Variants in PLXNC1 observed in about 807,000 individuals in gnomAD.
PLXNC1 encodes plexin-C1.
Under a neutral mutation model 178.2 loss-of-function variants are expected in PLXNC1, and 75 were observed. That is an observed-to-expected ratio of 0.42 (90% CI 0.35 to 0.51). The LOEUF (loss-of-function observed/expected upper bound fraction) is 0.51, where lower values mean the gene tolerates loss of function less well. PLXNC1 is among the 20% of genes least tolerant of loss of function. PLXNC1 has a pLI of 0.02. For synonymous variants in PLXNC1, 790 were observed against 779.9 expected, an observed-to-expected ratio of 1.01 and a Z score of -0.22; for missense variants, 1,503 against 1,984.4, an observed-to-expected ratio of 0.76 and a Z score of 4.61.
chr12:94,231,479 T>C (rs999382064), intron 9 of PLXNC1, among the ~76,000 whole-genome samples: 1 of 152,112 alleles, frequency 6.6e-6, no homozygotes, highest in African/African-American at 2.4e-5. Flanking sequence ...CCATTCAAGG[T>C]ATCTTATTTT....
intron 9 of PLXNC1, among the ~76,000 whole-genome samples, chr12:94,231,574 C>T (rs1964104556): frequency 6.6e-6 from 1 of 152,140 alleles, no homozygotes; most frequent in South Asian, 2.1e-4. Flanking sequence ...AGGCCAGTAG[C>T]CCTCACACTG....
intron 2 of PLXNC1, among the ~76,000 whole-genome samples, chr12:94,180,099 T>C (rs1475570320): frequency 6.6e-6 from 1 of 152,172 alleles, no homozygotes; most frequent in Non-Finnish European, 1.5e-5. Context: ...CTCCTCTTGC[T>C]CCTTGACCCA....
At chr12:94,163,517 G>A (rs977807719) in intron 1 of PLXNC1, among the ~76,000 whole-genome samples, 1 of 152,156 alleles carries the variant, frequency 6.6e-6, no homozygotes, top group Non-Finnish European at 1.5e-5. Context: ...GTGGGGAAGG[G>A]ACATAAAGCG....
chr12:94,186,587 T>A, intron 4 of PLXNC1, 114 bp downstream of exon 4: 3 of 675,866 alleles, frequency 4.4e-6, no homozygotes, highest in Non-Finnish European at 8.1e-6. Context: ...AACTGATCTC[T>A]TCCTCGACTA....
chr12:94,197,437 T>TTCTCTCTCTCTCTCTCTC (rs61069982), intron 4 of PLXNC1, among the ~76,000 whole-genome samples: 25 of 148,652 alleles, frequency 1.7e-4, no homozygotes, highest in African/African-American at 6.2e-4. Flanking sequence ...TTAGGCCCCT[T>TTCTCTCTCTCTCTCTCTC]TCTCTCTCTC....
chr12:94,260,586 A>G lies in PLXNC1; in HGVS notation c.3252-56A>G. 2 of 1,339,360 alleles carry G rather than the reference A, an allele frequency of 1.5e-6. No individual in the cohort carries two copies. Among genetic ancestry groups the G allele is most frequent in the Admixed American group, 3.5e-5 (2 of 56,840 alleles). The allele number at this position is 1,339,360 out of a possible 1,614,324, so 83.0% of individuals were successfully genotyped here. A position where few individuals can be genotyped will look rare whatever the true frequency, so the allele number is the denominator to read the frequency against. On this transcript the variant is annotated intron_variant, in intron 19 of 30. Transcript: ENST00000258526. This position sits in a 1 kb window ranked among gnomAD's most constrained non-coding sequence, Gnocchi z 4.4. ...CCAGTGAGCTTCCATGGAAACTCCCATGGGTGTCCAGCTAGGCCTGCAGCC... is the reference window on the plus strand; with the variant it reads ...CCAGTGAGCTTCCATGGAAACTCCCGTGGGTGTCCAGCTAGGCCTGCAGCC...
intron 23 of PLXNC1, among the ~76,000 whole-genome samples, chr12:94,290,264 A>G (rs2136187630): frequency 6.6e-6 from 1 of 152,362 alleles, no homozygotes; most frequent in South Asian, 2.1e-4. Context: ...TTTTGTAACT[A>G]TGTTCAAAGC....
Position 94,254,774 on chromosome 12 carries a change from C to T in PLXNC1, c.2882-13C>T. 1.3e-6 allele frequency: 2 copies of T among 1,574,804 alleles called. No homozygotes were observed. The highest frequency in any genetic ancestry group is 1.2e-5 in the South Asian group (1 of 84,326). ...TTACCATGTCCCTCTGATGCAGCAT[C>T]TCTGTCTCTTAGCGGCCGTGGGGGT... On this transcript the variant is annotated splice_polypyrimidine_tract_variant and intron_variant, in intron 15 of 30. Transcript: ENST00000258526.
intron 19 of PLXNC1, among the ~76,000 whole-genome samples, 165 bp downstream of exon 19, chr12:94,259,899 C>CAAAAA (rs67260160): frequency 8.8e-6 from 1 of 114,204 alleles, no homozygotes; most frequent in African/African-American, 3.1e-5. Flanking sequence ...CTTGTCTCTA[C>CAAAAA]AAAAAAAAAA....
chr12:94,193,695 G>C (rs1430777276), intron 4 of PLXNC1, among the ~76,000 whole-genome samples: 3 of 152,232 alleles, frequency 2.0e-5, no homozygotes, highest in Non-Finnish European at 4.4e-5. Flanking sequence ...CACCAGCGCT[G>C]AGTCTCAGAG....
chr12:94,249,408 A>AT (rs1293110341), intron 14 of PLXNC1, among the ~76,000 whole-genome samples: 2 of 151,988 alleles, frequency 1.3e-5, no homozygotes, highest in African/African-American at 2.4e-5. Flanking sequence ...AGTTTTTTCT[A>AT]TTTTTAGTAG....
In PLXNC1 at chr12:94,282,199, T is replaced by C. The variant is rs1966488819; in HGVS notation, c.3776-99T>C. 3 of 785,966 alleles carry C rather than the reference T, an allele frequency of 3.8e-6. No individual in the cohort carries two copies. In the South Asian group the frequency reaches 4.8e-5, roughly 13 times the overall value. 48.7% of individuals were successfully genotyped at this position (785,966 alleles called of 1,614,324 possible). On this transcript the variant is annotated intron_variant, in intron 22 of 30. Coordinates refer to ENST00000258526, the MANE Select transcript of PLXNC1 (RefSeq NM_005761.3). ...GCATCTCTACACCTTCAAACAAAGA[T>C]TTACCACTTTATTCAAGTTTTAGTT...
In PLXNC1 at chr12:94,254,820, A is replaced by C. The variant is rs1353326327; in HGVS notation, c.2915A>C (p.Glu972Ala). The C allele has an allele frequency of 1.2e-6, 2 of 1,610,186 alleles. No individual in the cohort carries two copies. The highest frequency in any genetic ancestry group is 2.7e-5 in the African/African-American group (2 of 74,604). The change falls in exon 16 of 31, where the codon GAG (glutamate) becomes GCG (alanine). Residue 972 changes from glutamate to alanine, a missense_variant. By Grantham distance (107) the Glu-to-Ala change is moderately radical. Around this residue, in one of 4 missense-constraint regions of PLXNC1, gnomAD observed 639 missense variants for 979.7 expected, o/e 0.65. Transcript: ENST00000258526. Reference protein sequence around the residue: ...AVGVTRHKSKELSRKQSQQLE... With the variant: ...AVGVTRHKSKALSRKQSQQLE... The stretch of plus-strand genomic sequence containing the variant: ...GGGGTGACCAGGCACAAATCGAAGG[A>C]GCTGAGTCGCAAACAGAGTCAACAA...
At position 94,265,113 on chromosome 12, in the gene PLXNC1, C is replaced by T. The variant is rs1363778139; in HGVS notation, c.3485C>T (p.Thr1162Met). 5 of 1,614,064 alleles carry T rather than the reference C, an allele frequency of 3.1e-6. No individual in the cohort carries two copies. Among genetic ancestry groups the T allele is most frequent in the Non-Finnish European group, 3.4e-6 (4 of 1,179,940 alleles). Reference sequence around the variant, plus strand: ...GGAGAGCCCTTCTATTTGCTGGTGACGACTCTGAACCAGAAAATTAACAAG... The same window carrying T: ...GGAGAGCCCTTCTATTTGCTGGTGATGACTCTGAACCAGAAAATTAACAAG... ...TVGEPFYLLV[T>M]TLNQKINKGP... The change falls in exon 21 of 31, where the codon ACG becomes ATG. Residue 1162 changes from threonine (T) to methionine (M), a missense_variant. Thr to Met is a moderately conservative substitution (Grantham distance 81). Transcript: ENST00000258526.
intron 21 of PLXNC1, chr12:94,278,146 C>T (rs1966123675): frequency 2.6e-6 from 1 of 390,162 alleles, no homozygotes; most frequent in African/African-American, 2.1e-5. Flanking sequence ...TCCTTAAAAC[C>T]AAAAAAAACA....
At chr12:94,253,513 G>T (rs965772801) in intron 15 of PLXNC1, among the ~76,000 whole-genome samples, 2 of 152,148 alleles carry the variant, frequency 1.3e-5, no homozygotes, top group African/African-American at 4.8e-5. Flanking sequence ...GGAAAAAGGG[G>T]TTCCATGGTC....
chr12:94,292,806 G>A (rs562786187), intron 23 of PLXNC1, among the ~76,000 whole-genome samples: 75 of 152,302 alleles, frequency 4.9e-4, no homozygotes, highest in African/African-American at 1.6e-3. Flanking sequence ...GTGGCACCAC[G>A]TTAGCACCCA....
chr12:94,178,633 G>A (rs1433613585), intron 2 of PLXNC1, among the ~76,000 whole-genome samples: 2 of 152,216 alleles, frequency 1.3e-5, no homozygotes, highest in African/African-American at 2.4e-5. Flanking sequence ...ATTCTGTAGA[G>A]CAGTGTTGGC....
chr12:94,243,965 C>A lies in PLXNC1; in HGVS notation c.2328C>A (p.Gly776=). The part of the protein sequence containing the change: ...ISGGQNITMM[G]RNFDVIDNLI... ...GTGGTCAAAATATAACCATGATGGG[C>A]AGAAATTTTGATGTAATTGACAACT... Residue 776 remains glycine (G), a synonymous_variant, in exon 12 of 31, where the codon GGC becomes GGA. Coordinates refer to ENST00000258526, the MANE Select transcript of PLXNC1 (RefSeq NM_005761.3). 1 of 1,598,602 alleles carries A rather than the reference C, an allele frequency of 6.3e-7. No individual in the cohort carries two copies. The highest frequency in any genetic ancestry group is 8.6e-7 in the Non-Finnish European group (1 of 1,167,440).
Sources: gnomAD v4.1 joint callset for allele counts (sites outside exome capture counted in the v4.1 genomes callset) on GRCh38, gnomAD v4.1.1 for gene constraint, gnomAD v4.1.1 regional missense constraint, Gnocchi (gnomAD v3.1) non-coding constraint, MANE v1.5 for transcripts, NCBI Gene and HGNC (gene_info 2026-07-23, HGNC 2026-07-21) for gene names.